CASP4: variants seen among roughly 807,000 people sequenced by gnomAD.
CASP4 encodes caspase 4.
A neutral mutation model predicts 41.3 loss-of-function variants in CASP4; 29 were observed. That is an observed-to-expected ratio of 0.70 (90% CI 0.52 to 0.96). CASP4 has a LOEUF of 0.96. Among genes scored for constraint, CASP4 ranks in the 40% least tolerant of loss-of-function variants. The pLI is 0.00. For missense variants in CASP4, 447 were observed against 460.6 expected (o/e 0.97, Z 0.27); for synonymous variants, 185 against 158.4 (o/e 1.17, Z -1.26).
chr11:104,952,769 G>C (rs570329137), intron 2 of CASP4, among the ~76,000 whole-genome samples: 1 of 152,250 alleles, frequency 6.6e-6, no homozygotes, highest in South Asian at 2.1e-4. Context: ...AAATTGTAAA[G>C]CCAGCTATTT....
At chr11:104,963,359 T>G (rs757736298) in intron 1 of CASP4, among the ~76,000 whole-genome samples, 1 of 152,126 alleles carries the variant, frequency 6.6e-6, no homozygotes, top group Non-Finnish European at 1.5e-5. Context: ...ACAGACCCCA[T>G]TTTGGGAAAA....
At chr11:104,944,531 C>T (rs960722287) in intron 8 of CASP4, 10 of 479,376 alleles carry the variant, frequency 2.1e-5, no homozygotes, top group African/African-American at 1.4e-4. Context: ...TTTTCCTTAC[C>T]TCCTTGATTG....
intron 1 of CASP4, among the ~76,000 whole-genome samples, chr11:104,964,901 C>A (rs1050282963): frequency 6.6e-5 from 10 of 152,140 alleles, no homozygotes; most frequent in Admixed American, 5.2e-4. Flanking sequence ...AAACAAAAAA[C>A]AGCCTAAATA....
rs1445726492 is a variant in CASP4, at chr11:104,954,746, C to G, written c.262+1G>C. The G allele has an allele frequency of 6.2e-7, 1 of 1,612,156 alleles. No individual in the cohort carries two copies. The highest frequency in any genetic ancestry group is 2.2e-5 in the East Asian group (1 of 44,856). On this transcript the variant is annotated splice_donor_variant, in intron 2 of 8. Transcript: ENST00000444739. LOFTEE classifies it high-confidence loss of function. The stretch of plus-strand genomic sequence containing the variant: ...ATTCATTGTAAAAAATCCAGTCTTA[C>G]CTTTTTTATTGGGGGATATTTGGTC...
chr11:104,950,894 T>A (rs531723969), intron 4 of CASP4, 31 bp downstream of exon 4: 1 of 1,601,984 alleles, frequency 6.2e-7, no homozygotes, highest in South Asian at 1.1e-5. Context: ...CTTGAATATG[T>A]ATGTGTTTGT....
intron 4 of CASP4, among the ~76,000 whole-genome samples, chr11:104,950,272 G>A (rs2134639029): frequency 6.6e-6 from 1 of 152,194 alleles, no homozygotes; most frequent in Non-Finnish European, 1.5e-5. Flanking sequence ...TTCACAGGTG[G>A]CGTCTCCTAC....
At chr11:104,952,229 G>A (rs1303141919) in intron 2 of CASP4, among the ~76,000 whole-genome samples, 1 of 152,092 alleles carries the variant, frequency 6.6e-6, no homozygotes, top group African/African-American at 2.4e-5. Flanking sequence ...TCATTCTGGG[G>A]AAAACATGTC....
chr11:104,962,932 C>T (rs1327752499), intron 1 of CASP4, among the ~76,000 whole-genome samples: 5 of 152,170 alleles, frequency 3.3e-5, no homozygotes, highest in Non-Finnish European at 7.3e-5. Context: ...CTGATTTCCT[C>T]TCTTGAATTT....
At chr11:104,966,380 T>C (rs56118914) in intron 1 of CASP4, among the ~76,000 whole-genome samples, 33 of 152,342 alleles carry the variant, frequency 2.2e-4, no homozygotes, top group African/African-American at 7.2e-4. Flanking sequence ...GGGGTACCAC[T>C]TTGGCAGCAT....
At chr11:104,958,289 A>G (rs1159745745) in intron 1 of CASP4, among the ~76,000 whole-genome samples, 2 of 152,178 alleles carry the variant, frequency 1.3e-5, no homozygotes, top group Non-Finnish European at 2.9e-5. Context: ...ATGAAATTAC[A>G]TCAAACTAAA....
Position 104,951,937 on chromosome 11 carries a change from G to A in CASP4, c.331C>T (p.His111Tyr), listed in dbSNP as rs1860624732. Residue 111 changes from histidine (H) to tyrosine (Y), a missense_variant, in exon 3 of 9, where the codon CAT becomes TAT. Coordinates refer to ENST00000444739, the MANE Select transcript of CASP4 (RefSeq NM_001225.4). The part of the protein sequence containing the change: ...ESTDALKLCP[H>Y]EEFLRLCKER... Reference sequence around the variant, plus strand: ...TTACATAGTCTCAGGAATTCTTCATGAGGACAAAGCTTGAGGGCATCTGTA... The same window carrying A: ...TTACATAGTCTCAGGAATTCTTCATAAGGACAAAGCTTGAGGGCATCTGTA... 5 of 1,612,722 alleles carry A rather than the reference G, an allele frequency of 3.1e-6. No homozygotes were observed. Among genetic ancestry groups the A allele is most frequent in the South Asian group, 1.1e-5 (1 of 91,050 alleles).
At chr11:104,964,149 A>C (rs574230314) in intron 1 of CASP4, among the ~76,000 whole-genome samples, 183 of 152,346 alleles carry the variant, frequency 1.2e-3, no homozygotes, top group Non-Finnish European at 1.9e-3. Flanking sequence ...TAGTGTCTAT[A>C]GACTTTTGTC....
In CASP4 at chr11:104,950,926, C is replaced by T. The variant is rs1315280148; in HGVS notation, c.545G>A (p.Arg182Lys). 1 of 1,610,186 alleles carries T rather than the reference C, an allele frequency of 6.2e-7. No individual in the cohort carries two copies. Among genetic ancestry groups the T allele is most frequent in the African/African-American group, 1.3e-5 (1 of 74,654 alleles). The change falls in exon 4 of 9, where the codon AGG becomes AAG. Residue 182 changes from arginine to lysine, a missense_variant and splice_region_variant. By Grantham distance (26) the Arg-to-Lys change is conservative (BLOSUM62 2). Transcript: ENST00000444739. ...TTGTGGCGGCTGAGGGATTCTTACC[C>T]TGGCTGTCAGATTCTCTTCTACATC... Reference protein sequence around the residue: ...SVDVEENLTARDMESALRAFA... With the variant: ...SVDVEENLTAKDMESALRAFA...
intron 6 of CASP4, chr11:104,948,236 A>G (rs1860511750): frequency 5.2e-6 from 1 of 191,518 alleles, no homozygotes; most frequent in Non-Finnish European, 1.1e-5. Context: ...GAAGTTGATC[A>G]TTTGAGAAAG....
chr11:104,951,862 C>CA (rs1555070458), intron 3 of CASP4, 34 bp downstream of exon 3: 1 of 1,379,136 alleles, frequency 7.3e-7, no homozygotes, highest in African/African-American at 1.4e-5. Flanking sequence ...GATATCTCTT[C>CA]TTTTTTTTCT....
intron 1 of CASP4, 98 bp from the exon 2 acceptor site, chr11:104,955,099 G>A: frequency 2.5e-6 from 3 of 1,192,398 alleles, no homozygotes; most frequent in Non-Finnish European, 3.5e-6. Context: ...ACTTCTGAAA[G>A]TATGTCCTAC....
At chr11:104,964,033 A>G (rs905366168) in intron 1 of CASP4, among the ~76,000 whole-genome samples, 1 of 152,208 alleles carries the variant, frequency 6.6e-6, no homozygotes, top group Non-Finnish European at 1.5e-5. Flanking sequence ...ATAAACTTCT[A>G]TAATTCTGAT....
At chr11:104,953,091 A>G (rs1243421553) in intron 2 of CASP4, among the ~76,000 whole-genome samples, 1 of 152,214 alleles carries the variant, frequency 6.6e-6, no homozygotes, top group Non-Finnish European at 1.5e-5. Context: ...ATTAGAAATT[A>G]GATAGAATTT....
intron 5 of CASP4, 56 bp from the exon 6 acceptor site, chr11:104,948,732 C>T: frequency 6.7e-7 from 1 of 1,484,618 alleles, no homozygotes; most frequent in South Asian, 1.4e-5. Flanking sequence ...ATGGCTGTCA[C>T]AGTTGCCCAC....
Sources: allele counts gnomAD v4.1 joint callset (sites outside exome capture counted in the v4.1 genomes callset), GRCh38; gene constraint gnomAD v4.1.1; transcripts MANE v1.5; gene names NCBI Gene and HGNC (gene_info 2026-07-23, HGNC 2026-07-21).